NEK5: variants seen among roughly 807,000 people sequenced by gnomAD.
The protein encoded by NEK5 is serine/threonine-protein kinase Nek5.
A neutral mutation model predicts 109.2 loss-of-function variants in NEK5; 88 were observed. The ratio of observed to expected loss-of-function variants is 0.81; its 90% CI spans 0.68 to 0.96. The LOEUF (loss-of-function observed/expected upper bound fraction) is 0.96, where lower values mean the gene tolerates loss of function less well. Ranked by LOEUF, NEK5 falls within the 40% of genes least tolerant of loss-of-function variation. NEK5 has a pLI of 0.00. For missense variants in NEK5, 834 were observed against 920.7 expected, an observed-to-expected ratio of 0.91 and a Z score of 1.22; for synonymous variants, 283 against 299.9, an observed-to-expected ratio of 0.94 and a Z score of 0.58.
At chr13:52,045,786 AGTT>A (rs1954453680) in intron 23 of NEK5, among the ~76,000 whole-genome samples, 1 of 108,194 alleles carries the variant, frequency 9.2e-6, no homozygotes, top group Admixed American at 9.7e-5. Flanking sequence ...AAAAAAAAAA[AGTT>A]GGGACCTGCA....
intron 3 of NEK5, among the ~76,000 whole-genome samples, chr13:52,124,697 TAAGTC>T (rs1323768154): frequency 6.6e-6 from 1 of 152,238 alleles, no homozygotes; most frequent in Non-Finnish European, 1.5e-5. Flanking sequence ...CTAACACCAT[TAAGTC>T]AATACTTGCA....
intron 12 of NEK5, among the ~76,000 whole-genome samples, chr13:52,093,573 C>A (rs978442957): frequency 2.1e-4 from 32 of 151,838 alleles, no homozygotes; most frequent in Non-Finnish European, 3.5e-4. Flanking sequence ...AAAAAAAAAC[C>A]ATAATACAAA....
chr13:52,037,460 G>A (rs1028163016), intron 23 of NEK5, among the ~76,000 whole-genome samples: 20 of 151,884 alleles, frequency 1.3e-4, no homozygotes, highest in Non-Finnish European at 2.5e-4. Context: ...TTTAAGAGGA[G>A]AGGAAGAGAG....
intron 22 of NEK5, among the ~76,000 whole-genome samples, chr13:52,057,796 G>A (rs1486942176): frequency 2.6e-5 from 4 of 151,728 alleles, no homozygotes; most frequent in African/African-American, 4.8e-5. Flanking sequence ...TTGATGGGAC[G>A]TATCTCAAAA....
intron 22 of NEK5, among the ~76,000 whole-genome samples, chr13:52,061,269 AC>A (rs1377744748): frequency 3.9e-5 from 6 of 152,106 alleles, no homozygotes; most frequent in Non-Finnish European, 8.8e-5. Flanking sequence ...TGCTGATCTG[AC>A]AGGAGGCAGA....
At chr13:52,082,857 A>T (rs916639516) in intron 17 of NEK5, among the ~76,000 whole-genome samples, 50 of 152,228 alleles carry the variant, frequency 3.3e-4, no homozygotes, top group African/African-American at 1.1e-3. Context: ...CTGAGTTTTT[A>T]AAAGTTCTGG....
intron 17 of NEK5, among the ~76,000 whole-genome samples, chr13:52,081,175 TAACTC>T (rs1456848445): frequency 6.6e-6 from 1 of 152,176 alleles, no homozygotes; most frequent in Non-Finnish European, 1.5e-5. Flanking sequence ...TTTGGAAAGA[TAACTC>T]TACAAGTAGA....
intron 17 of NEK5, 69 bp downstream of exon 17, chr13:52,083,191 A>C: frequency 9.7e-7 from 1 of 1,035,470 alleles, no homozygotes. Context: ...TGCACAGAGA[A>C]GGGTAAGAGC....
At chr13:52,105,395 T>A (rs1207517728) in intron 8 of NEK5, among the ~76,000 whole-genome samples, 1 of 152,038 alleles carries the variant, frequency 6.6e-6, no homozygotes, top group Non-Finnish European at 1.5e-5. Context: ...TAATAATTTT[T>A]TTTTTCATTA....
intron 23 of NEK5, among the ~76,000 whole-genome samples, chr13:52,043,753 T>C (rs1194953480): frequency 1.3e-5 from 2 of 152,126 alleles, no homozygotes; most frequent in Non-Finnish European, 2.9e-5. Flanking sequence ...ACTTCACACC[T>C]AGTAGATGGG....
chr13:52,037,288 T>C, intron 23 of NEK5, 70 bp from the exon 24 acceptor site: 1 of 743,314 alleles, frequency 1.3e-6, no homozygotes, highest in Non-Finnish European at 1.6e-6. Context: ...AAAAACTCGT[T>C]TCCCTTTTCT....
At chr13:52,073,290 C>T (rs1954811909) in intron 19 of NEK5, among the ~76,000 whole-genome samples, 1 of 151,136 alleles carries the variant, frequency 6.6e-6, no homozygotes, top group South Asian at 2.1e-4. Flanking sequence ...ATTTGGAGGA[C>T]TCATTTGAAC....
intron 23 of NEK5, among the ~76,000 whole-genome samples, chr13:52,040,522 AG>A (rs1454508219): frequency 6.6e-6 from 1 of 152,180 alleles, no homozygotes; most frequent in African/African-American, 2.4e-5. Context: ...CTCTTTACCG[AG>A]GGACTATATT....
chr13:52,070,385 G>A lies in NEK5; in HGVS notation c.1849+1559C>T, dbSNP rs552387176. Among the ~76,000 whole-genome samples the A allele has an allele frequency of 1.7e-4, 26 of 152,284 alleles. 1 individual carries two copies. Among genetic ancestry groups the A allele is most frequent in the African/African-American group, 5.1e-4 (21 of 41,560 alleles). On this transcript the variant is annotated intron_variant, in intron 20 of 23. Transcript: ENST00000684899. ...CAAGATAACTTTAGTAACTGATATC[G>A]TTTGGCTGTGTCCCACCCAAATCTC...
At chr13:52,104,289 T>C (rs952042326) in intron 9 of NEK5, among the ~76,000 whole-genome samples, 2 of 152,242 alleles carry the variant, frequency 1.3e-5, no homozygotes, top group South Asian at 4.1e-4. Context: ...AATGGAAATA[T>C]GCTACACATA....
At chr13:52,079,955 C>CTGTCTGGGAGG (rs1345242344) in intron 17 of NEK5, among the ~76,000 whole-genome samples, 1 of 152,026 alleles carries the variant, frequency 6.6e-6, no homozygotes, top group Non-Finnish European at 1.5e-5. Context: ...GGCCGCGACC[C>CTGTCTGGGAGG]TGTCTGGGAG....
chr13:52,110,673 C>G (rs1955741395), intron 5 of NEK5, 96 bp from the exon 6 acceptor site: 1 of 679,420 alleles, frequency 1.5e-6, no homozygotes, highest in Admixed American at 2.3e-5. Flanking sequence ...TATACACACA[C>G]ACACACACAC....
At chr13:52,057,826 C>G (rs1409393555) in intron 22 of NEK5, among the ~76,000 whole-genome samples, 1 of 151,770 alleles carries the variant, frequency 6.6e-6, no homozygotes, top group East Asian at 1.9e-4. Context: ...CTATCTATGA[C>G]AAACCCACAG....
intron 22 of NEK5, among the ~76,000 whole-genome samples, chr13:52,054,722 A>G (rs1235391706): frequency 6.6e-6 from 1 of 152,156 alleles, no homozygotes; most frequent in African/African-American, 2.4e-5. Flanking sequence ...ACTCCAACAG[A>G]CCTGCAGCTG....
Sources: gnomAD v4.1 joint callset for allele counts (sites outside exome capture counted in the v4.1 genomes callset) on GRCh38, gnomAD v4.1.1 for gene constraint, MANE v1.5 for transcripts, NCBI Gene and HGNC (gene_info 2026-07-23, HGNC 2026-07-21) for gene names.